Variants in SYN3 observed in about 807,000 individuals in gnomAD.
SYN3 encodes synapsin III, also known as synapsin-3.
In SYN3, 35 loss-of-function variants were observed where a neutral mutation model predicts 65.8. That is an observed-to-expected ratio of 0.53 (90% CI 0.41 to 0.70). The LOEUF (loss-of-function observed/expected upper bound fraction) is 0.70. Ranked by LOEUF, SYN3 falls within the 30% of genes least tolerant of loss-of-function variation. The pLI is 0.00. For missense variants in SYN3, 680 were observed against 749.0 expected (o/e 0.91, Z 1.08); for synonymous variants, 270 against 292.9 (o/e 0.92, Z 0.80).
intron 6 of SYN3, among the ~76,000 whole-genome samples, chr22:32,759,009 A>G (rs1185467885): frequency 1.3e-5 from 2 of 151,938 alleles, no homozygotes; most frequent in Non-Finnish European, 2.9e-5. Flanking sequence ...TCCTGTCCCC[A>G]TGGAGGACCA....
intron 7 of SYN3, among the ~76,000 whole-genome samples, chr22:32,559,479 G>A (rs13433644): frequency 0.021 from 3,172 of 152,268 alleles, 98 homozygotes; most frequent in African/African-American, 0.072. Flanking sequence ...TAATTGTCTC[G>A]TTAAAATAAT....
intron 1 of SYN3, among the ~76,000 whole-genome samples, chr22:33,029,629 T>C (rs2053714665): frequency 6.6e-6 from 1 of 152,198 alleles, no homozygotes; most frequent in Non-Finnish European, 1.5e-5. Context: ...CCCTTACAGA[T>C]GTGGACATTG....
chr22:32,664,991 C>CTTTT (rs564943069), intron 6 of SYN3, among the ~76,000 whole-genome samples: 6 of 68,950 alleles, frequency 8.7e-5, no homozygotes, highest in Non-Finnish European at 1.3e-4. Flanking sequence ...ATGTATAATT[C>CTTTT]TTTTTTTTTT....
intron 7 of SYN3, among the ~76,000 whole-genome samples, chr22:32,560,611 G>A (rs1164644966): frequency 6.6e-6 from 1 of 152,190 alleles, no homozygotes; most frequent in Non-Finnish European, 1.5e-5. Context: ...GGATGCAGCG[G>A]AGTGGAGGGA....
intron 6 of SYN3, among the ~76,000 whole-genome samples, chr22:32,793,966 T>C (rs1049038932): frequency 1.3e-5 from 2 of 152,194 alleles, no homozygotes; most frequent in Admixed American, 1.3e-4. Flanking sequence ...AATTCCAATA[T>C]TCCAAGTGCA....
At chr22:32,601,956 T>TG (rs1231528155) in intron 6 of SYN3, among the ~76,000 whole-genome samples, 1 of 151,690 alleles carries the variant, frequency 6.6e-6, no homozygotes, top group Non-Finnish European at 1.5e-5. Context: ...TTTTTTTTTT[T>TG]TGTGACACTT....
chr22:32,856,250 T>C (rs557575319), intron 6 of SYN3, among the ~76,000 whole-genome samples: 1 of 150,638 alleles, frequency 6.6e-6, no homozygotes, highest in Admixed American at 6.6e-5. Context: ...CTTCTCTGGA[T>C]TTCTGAAAAG....
chr22:32,918,917 A>C (rs1244704696), intron 4 of SYN3, among the ~76,000 whole-genome samples: 1 of 152,204 alleles, frequency 6.6e-6, no homozygotes, highest in East Asian at 1.9e-4. Flanking sequence ...GATCCAGCCC[A>C]GGCGGTCTGC....
intron 8 of SYN3, among the ~76,000 whole-genome samples, chr22:32,539,909 C>T (rs1484318093): frequency 6.6e-6 from 1 of 152,038 alleles, no homozygotes; most frequent in African/African-American, 2.4e-5. Context: ...CTGGAATGGG[C>T]CATAACTCAG....
At chr22:32,739,370 C>CCG (rs2061375648) in intron 6 of SYN3, among the ~76,000 whole-genome samples, 1 of 51,264 alleles carries the variant, frequency 2.0e-5, no homozygotes, top group African/African-American at 6.2e-5. Flanking sequence ...GTCCATTAAA[C>CCG]CCCCCCTTTT....
intron 6 of SYN3, among the ~76,000 whole-genome samples, chr22:32,674,060 TG>T (rs1366758228): frequency 6.6e-6 from 1 of 151,440 alleles, no homozygotes; most frequent in African/African-American, 2.4e-5. Flanking sequence ...GGTGAGAGTG[TG>T]GATAGTGGCA....
intron 7 of SYN3, among the ~76,000 whole-genome samples, chr22:32,554,306 A>G (rs937556565): frequency 1.3e-5 from 2 of 152,060 alleles, no homozygotes; most frequent in Non-Finnish European, 2.9e-5. Context: ...GGCTTTTTCC[A>G]AGTACCTGAT....
intron 4 of SYN3, among the ~76,000 whole-genome samples, chr22:32,910,384 C>T (rs760840564): frequency 3.3e-5 from 5 of 152,116 alleles, no homozygotes; most frequent in Non-Finnish European, 5.9e-5. Context: ...AACTAGGAGG[C>T]GCCTCTGTGG....
chr22:32,998,483 T>C (rs1246154769), intron 2 of SYN3, among the ~76,000 whole-genome samples: 1 of 151,884 alleles, frequency 6.6e-6, no homozygotes, highest in Non-Finnish European at 1.5e-5. Context: ...ATTGCGGAAA[T>C]GGAAGAGCAG....
chr22:32,963,985 G>C (rs549618783), intron 3 of SYN3, among the ~76,000 whole-genome samples: 4 of 152,108 alleles, frequency 2.6e-5, no homozygotes, highest in Admixed American at 1.3e-4. Context: ...AGCACTAGAG[G>C]GGGTGAGCCT....
chr22:32,662,462 C>T (rs934240426), intron 6 of SYN3, among the ~76,000 whole-genome samples: 98 of 152,320 alleles, frequency 6.4e-4, no homozygotes, highest in African/African-American at 2.2e-3. Context: ...GATTTTATTA[C>T]CAAGTAACTA....
chr22:32,869,054 C>A lies in SYN3; in HGVS notation c.533G>T (p.Arg178Leu). 3 of 1,614,052 alleles carry A rather than the reference C, an allele frequency of 1.9e-6. No homozygotes were observed. Among genetic ancestry groups the A allele is most frequent in the Non-Finnish European group, 2.5e-6 (3 of 1,179,946 alleles). ...AYSMALGEDYRSLVIGLQYGG... is the reference protein window; with the variant it reads ...AYSMALGEDYLSLVIGLQYGG... ...ATACTGCAGGCCGATGACCAGGCTG[C>A]GGTAGTCTTCCCCCAGGGCCATGCT... is the stretch of plus-strand genomic sequence containing the variant. The change falls in exon 5 of 14, where the codon CGC becomes CTC. Residue 178 changes from arginine to leucine, a missense_variant. Physicochemically the swap from Arg to Leu is moderately radical, Grantham distance 102. Coordinates refer to ENST00000358763, the MANE Select transcript of SYN3 (RefSeq NM_003490.4).
rs567483325 is a variant in SYN3 at position 32,777,237 on chromosome 22, G to A, written c.711+87678C>T. ...GTATATTCTATCGAAAGCATCCTTCGTGTCCCAGCTGTGGGTCTCGGTATT... is the reference window on the plus strand; with the variant it reads ...GTATATTCTATCGAAAGCATCCTTCATGTCCCAGCTGTGGGTCTCGGTATT... On this transcript the variant is annotated intron_variant, in intron 6 of 13. Transcript: ENST00000358763. 5.3e-5 allele frequency among the ~76,000 whole-genome samples: 8 copies of A among 152,116 alleles called. No individual in the cohort carries two copies. The East Asian group carries it at 5.8e-4, about 11-fold the overall frequency.
chr22:32,542,391 C>T (rs143373659), intron 7 of SYN3, among the ~76,000 whole-genome samples: 6 of 151,594 alleles, frequency 4.0e-5, no homozygotes, highest in Admixed American at 1.3e-4. Flanking sequence ...GGTGTGTTTG[C>T]ATATTTGCTG....
Sources: allele counts gnomAD v4.1 joint callset (sites outside exome capture counted in the v4.1 genomes callset), GRCh38; gene constraint gnomAD v4.1.1; transcripts MANE v1.5; gene names NCBI Gene and HGNC (gene_info 2026-07-23, HGNC 2026-07-21).